The following ZNF423 variants were observed in gnomAD, a reference collection of about 807,000 sequenced individuals.
The protein encoded by ZNF423 is zinc finger protein 423.
A neutral mutation model predicts 95.8 loss-of-function variants in ZNF423; 12 were observed. The observed-to-expected ratio is 0.13, with a 90% CI of 0.08 to 0.20. The LOEUF is 0.20. ZNF423 is among the 10% of genes least tolerant of loss of function. The probability of loss-of-function intolerance (pLI) is 1.00; values close to 1 mark genes in which losing one functional copy is unlikely to be tolerated. For missense variants in ZNF423, 1,316 were observed against 1,737.1 expected (o/e 0.76, Z 4.31); for synonymous variants, 749 against 711.9 (o/e 1.05, Z -0.83).
intron 2 of ZNF423, among the ~76,000 whole-genome samples, chr16:49,762,161 C>CA (rs2033843928): frequency 6.6e-6 from 1 of 152,220 alleles, no homozygotes; most frequent in African/African-American, 2.4e-5. Context: ...GCCCAGCAGG[C>CA]TGAGCCTCCG....
In ZNF423 at chr16:49,638,006, G is replaced by T. The variant is rs767732239; in HGVS notation, c.1170C>A (p.Ser390=). ...PDSSASVERG[S]TPDSTLKPLR... ...GCGGCTTCAAGGTGGAGTCCGGGGT[G>T]GAGCCACGCTCCACAGAGGCGCTGG... Residue 390 remains serine, a synonymous_variant, in exon 4 of 8, where the codon TCC becomes TCA. Coordinates refer to ENST00000563137, the MANE Select transcript of ZNF423 (RefSeq NM_001379286.1). The surrounding 1 kb of genome is among the most constrained non-coding windows in gnomAD (Gnocchi z 5.6). The T allele has an allele frequency of 3.1e-6, 5 of 1,614,106 alleles. No individual in the cohort carries two copies. The South Asian group carries it at 5.5e-5, about 18-fold the overall frequency.
chr16:49,826,797 A>C (rs2035009618), intron 1 of ZNF423: 1 of 152,188 alleles, frequency 6.6e-6, no homozygotes, highest in Admixed American at 6.5e-5. Context: ...AAGTTCTTTA[A>C]GGACGCAACA....
intron 5 of ZNF423, among the ~76,000 whole-genome samples, chr16:49,620,391 G>C (rs1972029220): frequency 1.3e-5 from 2 of 152,104 alleles, no homozygotes; most frequent in Admixed American, 1.3e-4. Context: ...GAGGCAGGAG[G>C]GGTTGATTTT....
intron 5 of ZNF423, among the ~76,000 whole-genome samples, chr16:49,604,490 C>T (rs965013617): frequency 3.3e-5 from 5 of 152,140 alleles, no homozygotes; most frequent in Non-Finnish European, 7.4e-5. Flanking sequence ...AGTTTGAGAA[C>T]CAGTGATCTA....
At chr16:49,618,744 C>A (rs1971962274) in intron 5 of ZNF423, among the ~76,000 whole-genome samples, 1 of 152,182 alleles carries the variant, frequency 6.6e-6, no homozygotes, top group Admixed American at 6.5e-5. Flanking sequence ...CTCTGCCAGT[C>A]CCTAAGAGCT....
At position 49,637,476 on chromosome 16, in the gene ZNF423, A is replaced by G; in HGVS notation, c.1700T>C (p.Phe567Ser). Residue 567 changes from phenylalanine (F) to serine (S), a missense_variant, in exon 4 of 8, where the codon TTC becomes TCC. Phe to Ser is a radical substitution (Grantham distance 155, BLOSUM62 -2). Around this residue, in one of 6 missense-constraint regions of ZNF423, gnomAD observed 399 missense variants for 478.5 expected, o/e 0.83. Transcript: ENST00000563137. This position sits in a 1 kb window ranked among gnomAD's most constrained non-coding sequence, Gnocchi z 5.6. ...GTAGGGGCAGGAATAGACCTCCATG[A>G]AGGACTGCGTGGGCTGCACCACCGG... ...ESPVVQPTQS[F>S]MEVYSCPYCT... The G allele has an allele frequency of 6.2e-7, 1 of 1,613,840 alleles. No homozygotes were observed. The highest frequency in any genetic ancestry group is 8.5e-7 in the Non-Finnish European group (1 of 1,179,974).
chr16:49,549,443 C>A (rs1199868988), intron 5 of ZNF423, among the ~76,000 whole-genome samples: 3 of 152,206 alleles, frequency 2.0e-5, no homozygotes. Flanking sequence ...CCCCTGTGAA[C>A]CTCCCCACAT....
chr16:49,853,115 A>G (rs2035319805), intron 1 of ZNF423, among the ~76,000 whole-genome samples: 1 of 152,194 alleles, frequency 6.6e-6, no homozygotes. Flanking sequence ...AAGCCTCTAC[A>G]TTAGCCCTGA....
At chr16:49,758,879 C>T (rs1238885927) in intron 2 of ZNF423, among the ~76,000 whole-genome samples, 1 of 152,144 alleles carries the variant, frequency 6.6e-6, no homozygotes, top group Non-Finnish European at 1.5e-5. Flanking sequence ...GTGTGATCAC[C>T]ATAAAAGTCA....
Position 49,638,932 on chromosome 16 carries a change from G to T in ZNF423, c.302-58C>A. On this transcript the variant is annotated intron_variant, in intron 3 of 7. Transcript: ENST00000563137. The surrounding 1 kb of genome is among the most constrained non-coding windows in gnomAD (Gnocchi z 5.6). ...AATTCCCAGGGCTGCCGAGAAACAA[G>T]GACAGAGCCAGCTTCTCGACAGCAC... 6.5e-7 allele frequency: 1 copy of T among 1,533,482 alleles called. No homozygotes were observed. 95.0% of individuals were successfully genotyped at this position (1,533,482 alleles called of 1,614,324 possible).
intron 7 of ZNF423, among the ~76,000 whole-genome samples, chr16:49,502,070 A>G (rs1476661434): frequency 6.6e-6 from 1 of 152,072 alleles, no homozygotes; most frequent in Non-Finnish European, 1.5e-5. Context: ...AAATCCATAA[A>G]CTTTCTTGAT....
chr16:49,660,400 GAA>G, intron 3 of ZNF423, among the ~76,000 whole-genome samples: 1 of 152,136 alleles, frequency 6.6e-6, no homozygotes, highest in Non-Finnish European at 1.5e-5. Flanking sequence ...ATGAATGAAT[GAA>G]TGAATGAATG....
chr16:49,724,972 T>A (rs1432903898), intron 3 of ZNF423, among the ~76,000 whole-genome samples: 1 of 152,208 alleles, frequency 6.6e-6, no homozygotes, highest in African/African-American at 2.4e-5. Flanking sequence ...TAGTTTGAAA[T>A]TGCTCACAGT....
intron 1 of ZNF423, among the ~76,000 whole-genome samples, chr16:49,817,859 C>T (rs74389654): frequency 0.028 from 4,258 of 152,116 alleles, 106 homozygotes; most frequent in East Asian, 0.067. Flanking sequence ...GAAGAGAATA[C>T]GAGGCCCAGA....
chr16:49,635,522 A>G lies in ZNF423; in HGVS notation c.3516+138T>C, dbSNP rs1972656409. On this transcript the variant is annotated intron_variant, in intron 4 of 7. Transcript: ENST00000563137. This position sits in a 1 kb window ranked among gnomAD's most constrained non-coding sequence, Gnocchi z 4.8. ...TGAGGTTCAAACTCAAGGAGTCTACAGCACAGCAGTTCTGTTTTGCCACTG... is the reference window on the plus strand; with the variant it reads ...TGAGGTTCAAACTCAAGGAGTCTACGGCACAGCAGTTCTGTTTTGCCACTG... 27 of 1,123,150 alleles carry G rather than the reference A, an allele frequency of 2.4e-5. No individual in the cohort carries two copies. Among genetic ancestry groups the G allele is most frequent in the Non-Finnish European group, 3.3e-5 (27 of 828,102 alleles). 69.6% of individuals were successfully genotyped at this position (1,123,150 alleles called of 1,614,324 possible). A position where few individuals can be genotyped will look rare whatever the true frequency, so the allele number is the denominator to read the frequency against.
chr16:49,716,856 T>A (rs2032723771), intron 3 of ZNF423, among the ~76,000 whole-genome samples: 1 of 152,192 alleles, frequency 6.6e-6, no homozygotes, highest in African/African-American at 2.4e-5. Context: ...CTCCTTGACC[T>A]GCAAGCCCCA....
chr16:49,790,386 G>C (rs1202672628), intron 1 of ZNF423, among the ~76,000 whole-genome samples: 16 of 152,258 alleles, frequency 1.1e-4, no homozygotes, highest in Non-Finnish European at 2.4e-4. Flanking sequence ...CAGGCACTGT[G>C]CTGGGGCTTT....
At chr16:49,815,912 ATATTTTTT>A (rs1567356526) in intron 1 of ZNF423, among the ~76,000 whole-genome samples, 26 of 36,710 alleles carry the variant, frequency 7.1e-4, no homozygotes, top group African/African-American at 2.1e-3. Flanking sequence ...ATATATATAT[ATATTTTTT>A]TTTTTTTTTT....
intron 5 of ZNF423, among the ~76,000 whole-genome samples, chr16:49,623,151 G>C (rs1207562140): frequency 6.6e-6 from 1 of 152,122 alleles, no homozygotes; most frequent in African/African-American, 2.4e-5. Context: ...CTGCACTCGG[G>C]GACCAACCAA....
Sources: allele counts gnomAD v4.1 joint callset (sites outside exome capture counted in the v4.1 genomes callset), GRCh38; gene constraint gnomAD v4.1.1; regional missense constraint gnomAD v4.1.1; non-coding constraint Gnocchi (gnomAD v3.1); transcripts MANE v1.5; gene names NCBI Gene and HGNC (gene_info 2026-07-23, HGNC 2026-07-21).